Variants in ANKRD36B observed in about 807,000 individuals in gnomAD.
The protein encoded by ANKRD36B is ankyrin repeat domain-containing protein 36B.
In ANKRD36B, 37 loss-of-function variants were observed where a neutral mutation model predicts 135.7. That is an observed-to-expected ratio of 0.27 (90% CI 0.21 to 0.36). ANKRD36B has a LOEUF of 0.36. Among genes scored for constraint, ANKRD36B ranks in the 10% least tolerant of loss-of-function variants. The probability of loss-of-function intolerance (pLI) is 1.00; values close to 1 mark genes in which losing one functional copy is unlikely to be tolerated. For missense variants in ANKRD36B, 549 were observed against 1,037.1 expected (o/e 0.53, Z 6.46); for synonymous variants, 179 against 348.1 (o/e 0.51, Z 5.41).
At chr2:97,555,371 A>C (rs904908413) in intron 12 of ANKRD36B, 117 bp from the exon 13 acceptor site, 1 of 1,457,962 alleles carries the variant, frequency 6.9e-7, no homozygotes, top group African/African-American at 1.4e-5. Flanking sequence ...ATAGGCTTTG[A>C]TTTTTGTGTC....
At chr2:97,566,689 C>G (rs2081460896) in intron 6 of ANKRD36B, among the ~76,000 whole-genome samples, 1 of 152,016 alleles carries the variant, frequency 6.6e-6, no homozygotes, top group African/African-American at 2.4e-5. Flanking sequence ...TAGGCATTGT[C>G]AAAGAACATG....
At chr2:97,513,061 T>C (rs1394802765) in intron 38 of ANKRD36B, 119 bp downstream of exon 38, 1 of 1,170,082 alleles carries the variant, frequency 8.5e-7, no homozygotes, top group Non-Finnish European at 1.1e-6. Flanking sequence ...GATTCATTTT[T>C]AAGATGAAAT....
At chr2:97,553,290 G>A (rs769371674) in intron 15 of ANKRD36B, 50 bp from the exon 16 acceptor site, 869 of 1,602,614 alleles carry the variant, frequency 5.4e-4, no homozygotes, top group Non-Finnish European at 7.0e-4. Context: ...AATGAAGTAT[G>A]TTTCATAGAC....
chr2:97,562,922 CTTATT>C (rs2081154128), intron 6 of ANKRD36B, among the ~76,000 whole-genome samples: 2 of 152,028 alleles, frequency 1.3e-5, no homozygotes, highest in African/African-American at 4.8e-5. Context: ...TCTATCATCT[CTTATT>C]TTGTCGCTAT....
chr2:97,541,696 T>C, intron 28 of ANKRD36B: 4 of 481,272 alleles, frequency 8.3e-6, no homozygotes, highest in South Asian at 3.1e-5. Flanking sequence ...TTATTCTTCC[T>C]AATTTCAATG....
chr2:97,554,750 C>T (rs2080352771), intron 14 of ANKRD36B, among the ~76,000 whole-genome samples: 1 of 151,974 alleles, frequency 6.6e-6, no homozygotes, highest in Non-Finnish European at 1.5e-5. Flanking sequence ...TCTCCTTCCA[C>T]CCTTGGTGAA....
chr2:97,578,296 C>G (rs2442286), intron 5 of ANKRD36B, among the ~76,000 whole-genome samples: 139 of 151,800 alleles, frequency 9.2e-4, no homozygotes, highest in Middle Eastern at 3.4e-3. Flanking sequence ...ATTGAGGGAT[C>G]TCAAACAGAA....
intron 6 of ANKRD36B, among the ~76,000 whole-genome samples, chr2:97,573,088 G>T (rs938420140): frequency 4.0e-5 from 6 of 149,686 alleles, no homozygotes; most frequent in Non-Finnish European, 7.4e-5. Context: ...AACAGTCCCC[G>T]GTGGGTGATG....
chr2:97,557,131 C>T lies in ANKRD36B; in HGVS notation c.969G>A (p.Val323=). Reference sequence around the variant, plus strand: ...TCTGGGCCGATTGTTTCTGAGGAGACACTGAAAAGTAAAAGAAATATATAA... The same window carrying T: ...TCTGGGCCGATTGTTTCTGAGGAGATACTGAAAAGTAAAAGAAATATATAA... ...EIKEGQQSGT[V]SPQKQSAQKV... The change falls in exon 11 of 44, where the codon GTG becomes GTA. Residue 323 remains valine (V), a splice_region_variant and synonymous_variant. Transcript: ENST00000359901. 1.3e-6 allele frequency: 2 copies of T among 1,531,010 alleles called. No homozygotes were observed. The allele number at this position is 1,531,010 out of a possible 1,614,324, so 94.8% of individuals were successfully genotyped here.
intron 43 of ANKRD36B, among the ~76,000 whole-genome samples, chr2:97,495,911 T>G (rs2077296878): frequency 9.3e-6 from 1 of 107,454 alleles, no homozygotes; most frequent in South Asian, 2.2e-4. Context: ...ATCTGCCAGA[T>G]GAATTATACT....
chr2:97,553,357 G>C lies in ANKRD36B; in HGVS notation c.1186C>G (p.Gln396Glu). ...AGTTCAATTACCTTCAAGGCTTGTT[G>C]TTTCTGAGAAGACACTGAAAAGCAA... ...LQCGTVSSQK[Q>E]QALKATTDEE... is the part of the protein sequence containing the mutation. Residue 396 changes from glutamine to glutamate, a missense_variant, in exon 15 of 44, where the codon CAA becomes GAA. Transcript: ENST00000359901. 4 of 1,609,632 alleles carry C rather than the reference G, an allele frequency of 2.5e-6. No homozygotes were observed. Among genetic ancestry groups the C allele is most frequent in the Non-Finnish European group, 3.4e-6 (4 of 1,178,554 alleles).
At chr2:97,532,181 T>A in intron 35 of ANKRD36B, 130 bp downstream of exon 35, 1 of 479,352 alleles carries the variant, frequency 2.1e-6, no homozygotes, top group Non-Finnish European at 3.8e-6. Context: ...GTTTTTAAAA[T>A]GAAATATTAA....
intron 38 of ANKRD36B, among the ~76,000 whole-genome samples, chr2:97,512,964 G>A (rs75358574): frequency 7.7e-6 from 1 of 129,878 alleles, no homozygotes; most frequent in Non-Finnish European, 1.5e-5. Flanking sequence ...AGTATATATT[G>A]TAGAATAGCA....
intron 22 of ANKRD36B, among the ~76,000 whole-genome samples, chr2:97,546,946 G>C (rs1472505308): frequency 6.6e-6 from 1 of 151,544 alleles, no homozygotes; most frequent in Non-Finnish European, 1.5e-5. Flanking sequence ...AGTAGTTCCT[G>C]GAGCAGCCAA....
chr2:97,568,826 A>T (rs2922588), intron 6 of ANKRD36B, among the ~76,000 whole-genome samples: 4 of 152,166 alleles, frequency 2.6e-5, no homozygotes, highest in Non-Finnish European at 5.9e-5. Flanking sequence ...CTTTGTCACT[A>T]TATGTAAACA....
chr2:97,551,755 T>G (rs1290461950), intron 16 of ANKRD36B, among the ~76,000 whole-genome samples: 1 of 151,970 alleles, frequency 6.6e-6, no homozygotes, highest in East Asian at 1.9e-4. Context: ...AATGTCCATA[T>G]GCCGAGTGAT....
In ANKRD36B at chr2:97,526,237, G is replaced by A. The variant is rs1159212817; in HGVS notation, c.2266-2770C>T. ...GAGGAAAGATCACACAGCAGCATTC[G>A]CTGTTCATGAAAATCCACTGTTCTG... On this transcript the variant is annotated intron_variant, in intron 35 of 43. Transcript: ENST00000359901. Among the ~76,000 whole-genome samples, 7 of 97,078 alleles carry A rather than the reference G, an allele frequency of 7.2e-5. 2 individuals are homozygous for A. Among genetic ancestry groups the A allele is most frequent in the South Asian group, 2.3e-4 (1 of 4,300 alleles). 63.7% of individuals were successfully genotyped at this position (97,078 alleles called of 152,430 possible).
chr2:97,545,570 A>G (rs1427066039), intron 24 of ANKRD36B, 96 bp downstream of exon 24: 1 of 670,422 alleles, frequency 1.5e-6, no homozygotes, highest in Non-Finnish European at 2.5e-6. Context: ...AAATCAGAAC[A>G]TGAAGATTTG....
intron 1 of ANKRD36B, among the ~76,000 whole-genome samples, chr2:97,587,290 A>G (rs1276910225): frequency 6.6e-6 from 1 of 152,216 alleles, no homozygotes; most frequent in Non-Finnish European, 1.5e-5. Context: ...AAAAACATTT[A>G]CTAGAAGTTT....
Sources: gnomAD v4.1 joint callset for allele counts (sites outside exome capture counted in the v4.1 genomes callset) on GRCh38, gnomAD v4.1.1 for gene constraint, MANE v1.5 for transcripts, NCBI Gene and HGNC (gene_info 2026-07-23, HGNC 2026-07-21) for gene names.